The following HIBCH variants were observed in gnomAD, a reference collection of about 807,000 sequenced individuals.
HIBCH encodes the protein 3-hydroxyisobutyryl-CoA hydrolase, mitochondrial.
In HIBCH, 50 loss-of-function variants were observed where a neutral mutation model predicts 58.2. That is an observed-to-expected ratio of 0.86 (90% CI 0.68 to 1.09). HIBCH has a LOEUF of 1.09. Among genes scored for constraint, HIBCH ranks in the 50% least tolerant of loss-of-function variants. HIBCH has a pLI of 0.00. For synonymous variants in HIBCH, 151 were observed against 146.9 expected (o/e 1.03, Z -0.20); for missense variants, 450 against 449.7 (o/e 1.00, Z -0.01).
chr2:190,302,698 G>A (rs1266555022), intron 2 of HIBCH, among the ~76,000 whole-genome samples: 1 of 152,112 alleles, frequency 6.6e-6, no homozygotes, highest in Non-Finnish European at 1.5e-5. Context: ...TTCCATCTTG[G>A]CCAGGAACTC....
intron 7 of HIBCH, among the ~76,000 whole-genome samples, chr2:190,256,942 A>G (rs1686941172): frequency 6.6e-6 from 1 of 152,180 alleles, no homozygotes; most frequent in Admixed American, 6.5e-5. Flanking sequence ...AGAGAGAAAA[A>G]AAATGTTTTT....
chr2:190,271,205 T>A (rs1017347484), intron 6 of HIBCH, among the ~76,000 whole-genome samples: 3 of 150,302 alleles, frequency 2.0e-5, no homozygotes, highest in African/African-American at 7.3e-5. Context: ...ATACAATCCA[T>A]CATCAAAACC....
chr2:190,298,122 A>G (rs968661942), intron 2 of HIBCH, among the ~76,000 whole-genome samples: 3 of 152,132 alleles, frequency 2.0e-5, no homozygotes, highest in Non-Finnish European at 4.4e-5. Flanking sequence ...TCCATGGTGT[A>G]TATGTGCCAC....
downstream of HIBCH, among the ~76,000 whole-genome samples, chr2:190,199,416 A>G (rs1051997618): frequency 6.9e-6 from 1 of 144,098 alleles, no homozygotes; most frequent in African/African-American, 2.9e-5. Flanking sequence ...AGCTAGCAAA[A>G]ATTGAATTGT....
Position 190,204,409 on chromosome 2 carries a change from G to A in HIBCH, c.*708C>T, listed in dbSNP as rs1690336938. ...AAAATAATCCTTTCAGTTTCACCAT[G>A]GGATGGTATTCTGATTATTTTAGGG... On this transcript the variant is annotated 3_prime_UTR_variant, in exon 14 of 14. Coordinates refer to ENST00000359678, the MANE Select transcript of HIBCH (RefSeq NM_014362.4). 6.6e-6 allele frequency: 1 copy of A among 152,026 alleles called. No individual in the cohort carries two copies. Among genetic ancestry groups the A allele is most frequent in the Admixed American group, 6.6e-5 (1 of 15,256 alleles). 9.4% of individuals were successfully genotyped at this position (152,026 alleles called of 1,614,324 possible).
chr2:190,199,373 A>G (rs752850307), downstream of HIBCH, among the ~76,000 whole-genome samples: 9 of 152,202 alleles, frequency 5.9e-5, no homozygotes, highest in South Asian at 4.1e-4. Context: ...ATTTGGCCCA[A>G]TGGTTTGCTA....
Position 190,243,002 on chromosome 2 carries a change from T to C in HIBCH, c.891+1885A>G, listed in dbSNP as rs1216997137. On this transcript the variant is annotated intron_variant, in intron 11 of 13. Transcript: ENST00000359678. This position sits in a 1 kb window ranked among gnomAD's most constrained non-coding sequence, Gnocchi z 4.1. ...TTTATTTGAAGACTCAGGAGATGTG[T>C]ATGGGTTCAAGTTGACAAGGGGTGG... 6.6e-6 allele frequency among the ~76,000 whole-genome samples: 1 copy of C among 152,184 alleles called. No homozygotes were observed. The highest frequency in any genetic ancestry group is 2.4e-5 in the African/African-American group (1 of 41,440).
intron 11 of HIBCH, among the ~76,000 whole-genome samples, chr2:190,231,182 C>T (rs1575709093): frequency 1.3e-5 from 2 of 152,242 alleles, no homozygotes; most frequent in Middle Eastern, 3.4e-3. Context: ...TTAACCTGGA[C>T]TTCTATATTT....
chr2:190,225,401 G>C (rs1311859538), intron 11 of HIBCH, among the ~76,000 whole-genome samples: 2 of 152,072 alleles, frequency 1.3e-5, no homozygotes, highest in African/African-American at 2.4e-5. Flanking sequence ...AAAGATTAAA[G>C]AATCAAATAG....
At chr2:190,258,369 A>G (rs1195411488) in intron 7 of HIBCH, among the ~76,000 whole-genome samples, 1 of 152,202 alleles carries the variant, frequency 6.6e-6, no homozygotes, top group Non-Finnish European at 1.5e-5. Flanking sequence ...GTGAGAATGG[A>G]CTAATACAGC....
intron 11 of HIBCH, among the ~76,000 whole-genome samples, chr2:190,241,043 T>A (rs1044802311): frequency 1.3e-5 from 2 of 152,222 alleles, no homozygotes; most frequent in Admixed American, 6.5e-5. Flanking sequence ...TAATTTTCTG[T>A]CTCATTAATC....
At chr2:190,297,453 T>C (rs1688132244) in intron 2 of HIBCH, among the ~76,000 whole-genome samples, 1 of 152,144 alleles carries the variant, frequency 6.6e-6, no homozygotes, top group African/African-American at 2.4e-5. Flanking sequence ...GCAATGACTA[T>C]TTGGAAATGT....
chr2:190,276,100 T>A (rs1221143340), intron 6 of HIBCH, among the ~76,000 whole-genome samples: 2 of 152,186 alleles, frequency 1.3e-5, no homozygotes, highest in Non-Finnish European at 2.9e-5. Context: ...GAGAGAGAAG[T>A]GGTCCAGTCA....
chr2:190,295,377 C>T (rs1688077310), intron 3 of HIBCH, among the ~76,000 whole-genome samples: 1 of 152,170 alleles, frequency 6.6e-6, no homozygotes, highest in African/African-American at 2.4e-5. Flanking sequence ...CTTTATGTTT[C>T]ATATCCACCT....
At chr2:190,238,680 G>T (rs1368322863) in intron 11 of HIBCH, among the ~76,000 whole-genome samples, 1 of 152,162 alleles carries the variant, frequency 6.6e-6, no homozygotes, top group African/African-American at 2.4e-5. Flanking sequence ...AGTCAGGCTG[G>T]TCCTGAACTC....
At chr2:190,224,134 T>C (rs1360107638) in intron 11 of HIBCH, among the ~76,000 whole-genome samples, 1 of 152,196 alleles carries the variant, frequency 6.6e-6, no homozygotes, top group Non-Finnish European at 1.5e-5. Flanking sequence ...GAGGGTCCCA[T>C]GCCCACGGAG....
chr2:190,236,182 T>C lies in HIBCH; in HGVS notation c.891+8705A>G, dbSNP rs375328422. Among the ~76,000 whole-genome samples the C allele has an allele frequency of 8.5e-5, 13 of 152,148 alleles. No homozygotes were observed. The highest frequency in any genetic ancestry group is 3.1e-4 in the African/African-American group (13 of 41,454). Reference sequence around the variant, plus strand: ...TTAAGGTATTTTACAATATTGCCACTGAAGATCTGGAGCTGTGTTGTGTTG... The same window carrying C: ...TTAAGGTATTTTACAATATTGCCACCGAAGATCTGGAGCTGTGTTGTGTTG... On this transcript the variant is annotated intron_variant, in intron 11 of 13. Coordinates refer to ENST00000359678, the MANE Select transcript of HIBCH (RefSeq NM_014362.4). This position sits in a 1 kb window ranked among gnomAD's most constrained non-coding sequence, Gnocchi z 4.1.
intron 6 of HIBCH, among the ~76,000 whole-genome samples, chr2:190,273,276 C>G (rs1687454278): frequency 6.6e-6 from 1 of 152,110 alleles, no homozygotes; most frequent in African/African-American, 2.4e-5. Context: ...GCCTGTAATC[C>G]TAGCTACTCG....
Position 190,204,754 on chromosome 2 carries a change from G to T in HIBCH, c.*363C>A. The stretch of plus-strand genomic sequence containing the variant: ...TATACCACTCAAGAGAATCTCCAAA[G>T]ATCTTCACATTTTTCCATCTTCTAA... On this transcript the variant is annotated 3_prime_UTR_variant, in exon 14 of 14. Transcript: ENST00000359678. 4.0e-6 allele frequency: 1 copy of T among 249,812 alleles called. No homozygotes were observed. The highest frequency in any genetic ancestry group is 7.8e-6 in the Non-Finnish European group (1 of 127,622). 15.5% of individuals were successfully genotyped at this position (249,812 alleles called of 1,614,324 possible).
Sources: gnomAD v4.1 joint callset for allele counts (sites outside exome capture counted in the v4.1 genomes callset) on GRCh38, gnomAD v4.1.1 for gene constraint, Gnocchi (gnomAD v3.1) non-coding constraint, MANE v1.5 for transcripts, NCBI Gene and HGNC (gene_info 2026-07-23, HGNC 2026-07-21) for gene names.